The following AXDND1 variants were observed in gnomAD, a reference collection of about 807,000 sequenced individuals.
The protein encoded by AXDND1 is axonemal dynein light chain domain-containing protein 1.
In AXDND1, 110 loss-of-function variants were observed where a neutral mutation model predicts 137.5. The ratio of observed to expected loss-of-function variants is 0.80; its 90% CI spans 0.69 to 0.94. The LOEUF (loss-of-function observed/expected upper bound fraction) is 0.94, where lower values mean the gene tolerates loss of function less well. AXDND1 is among the 40% of genes least tolerant of loss of function. The probability of loss-of-function intolerance (pLI) is 0.00; values close to 1 mark genes in which losing one functional copy is unlikely to be tolerated. For missense variants in AXDND1, 1,191 were observed against 1,169.8 expected, an observed-to-expected ratio of 1.02 and a Z score of -0.26; for synonymous variants, 414 against 399.7, an observed-to-expected ratio of 1.04 and a Z score of -0.43.
chr1:179,465,467 G>A (rs1662993756), intron 16 of AXDND1, among the ~76,000 whole-genome samples: 1 of 152,220 alleles, frequency 6.6e-6, no homozygotes, highest in Non-Finnish European at 1.5e-5. Context: ...GTTTCTGCCT[G>A]ATCCTTTCTC....
chr1:179,471,832 C>T (rs1461787452), intron 17 of AXDND1, among the ~76,000 whole-genome samples: 17 of 151,696 alleles, frequency 1.1e-4, no homozygotes. Context: ...TTTCTTAACA[C>T]AGGTTTTACA....
At chr1:179,463,654 A>C (rs10913779) in intron 16 of AXDND1, among the ~76,000 whole-genome samples, 2 of 151,938 alleles carry the variant, frequency 1.3e-5, no homozygotes, top group Non-Finnish European at 2.9e-5. Flanking sequence ...GCAGAGCTGA[A>C]TTCAATTCCT....
rs71111980 is a variant in AXDND1, at chr1:179,386,050, C to CTTT, written c.863+710_863+712dup. On this transcript the variant is annotated intron_variant, in intron 9 of 25. Transcript: ENST00000367618. ...CTGGAGCTGATTTTAGGATTTTTTC[C>CTTT]TTTTTTTTTTTTTTTTTTTTTGAGA... Among the ~76,000 whole-genome samples, 78 of 102,410 alleles carry CTTT rather than the reference C, an allele frequency of 7.6e-4. 1 individual carries two copies. Among genetic ancestry groups the CTTT allele is most frequent in the East Asian group, 1.7e-3 (6 of 3,458 alleles). 67.2% of individuals were successfully genotyped at this position (102,410 alleles called of 152,430 possible). A position where few individuals can be genotyped will look rare whatever the true frequency, so the allele number is the denominator to read the frequency against.
intron 18 of AXDND1, among the ~76,000 whole-genome samples, chr1:179,487,494 ATTG>A (rs1666209580): frequency 9.7e-6 from 1 of 103,538 alleles, no homozygotes; most frequent in African/African-American, 3.3e-5. Flanking sequence ...CAAAAAACTG[ATTG>A]AAAAGCTTCA....
intron 18 of AXDND1, among the ~76,000 whole-genome samples, chr1:179,489,831 C>T (rs1436755442): frequency 6.6e-6 from 1 of 150,980 alleles, no homozygotes; most frequent in African/African-American, 2.4e-5. Flanking sequence ...CTGCAAGCTC[C>T]GCCTCCCGGG....
At chr1:179,475,509 T>C (rs1664502405) in intron 17 of AXDND1, among the ~76,000 whole-genome samples, 1 of 151,968 alleles carries the variant, frequency 6.6e-6, no homozygotes, top group African/African-American at 2.4e-5. Flanking sequence ...ACTGGCCTAC[T>C]GGATTTCAGA....
chr1:179,389,311 T>C (rs552734178), intron 9 of AXDND1, among the ~76,000 whole-genome samples: 1 of 152,226 alleles, frequency 6.6e-6, no homozygotes, highest in African/African-American at 2.4e-5. Context: ...AAACATTTCA[T>C]GCGTAGTCTT....
At chr1:179,524,599 T>C (rs1670367944) in intron 21 of AXDND1, among the ~76,000 whole-genome samples, 1 of 152,216 alleles carries the variant, frequency 6.6e-6, no homozygotes, top group Non-Finnish European at 1.5e-5. Flanking sequence ...TGGTCTAAAC[T>C]GTAAACTAAG....
rs541647803 is a variant in AXDND1 at position 179,373,905 on chromosome 1, G to A, written c.374+3827G>A. On this transcript the variant is annotated intron_variant, in intron 4 of 25. Coordinates refer to ENST00000367618, the MANE Select transcript of AXDND1 (RefSeq NM_144696.6). ...GAAAACCAAGGCAATACCATTCAGG[G>A]CATAGGCATGGGCAAGGACTTCATG... Among the ~76,000 whole-genome samples the A allele has an allele frequency of 1.3e-4, 20 of 152,196 alleles. No individual in the cohort carries two copies. In the East Asian group the frequency reaches 3.9e-3, roughly 29 times the overall value.
intron 9 of AXDND1, among the ~76,000 whole-genome samples, chr1:179,388,988 T>TTTC (rs1649677814): frequency 4.3e-5 from 1 of 23,270 alleles, no homozygotes; most frequent in Non-Finnish European, 7.7e-5. Flanking sequence ...TTTTTTTTTT[T>TTTC]TTTTTGAGAT....
intron 16 of AXDND1, among the ~76,000 whole-genome samples, chr1:179,459,466 G>A (rs955811949): frequency 6.6e-6 from 1 of 152,082 alleles, no homozygotes; most frequent in African/African-American, 2.4e-5. Flanking sequence ...GTGATTACTT[G>A]TTTAAGGCTT....
intron 16 of AXDND1, chr1:179,447,516 G>A (rs183992038): frequency 1.0e-4 from 59 of 576,626 alleles, no homozygotes; most frequent in African/African-American, 8.4e-4. Context: ...TACAGTTGGC[G>A]CAGAAAATTC....
intron 16 of AXDND1, among the ~76,000 whole-genome samples, chr1:179,464,188 T>G (rs187821709): frequency 9.4e-4 from 143 of 152,366 alleles, no homozygotes; most frequent in African/African-American, 3.4e-3. Context: ...GCTCGTTAGT[T>G]GATGCAGTTT....
chr1:179,464,386 C>G (rs1477944370), intron 16 of AXDND1, among the ~76,000 whole-genome samples: 1 of 152,160 alleles, frequency 6.6e-6, no homozygotes. Context: ...CTTAGTTTTA[C>G]TGGATATGAA....
intron 12 of AXDND1, among the ~76,000 whole-genome samples, chr1:179,420,964 T>A (rs1483772818): frequency 1.3e-5 from 2 of 152,208 alleles, no homozygotes; most frequent in African/African-American, 4.8e-5. Context: ...TGTAAGTCTC[T>A]AATGCTTCTT....
intron 9 of AXDND1, among the ~76,000 whole-genome samples, chr1:179,388,820 T>C (rs1649636874): frequency 6.6e-6 from 1 of 150,720 alleles, no homozygotes. Context: ...AGTCTTGAAC[T>C]CCTGGCCTCA....
chr1:179,427,944 C>A (rs1305301905), intron 12 of AXDND1, among the ~76,000 whole-genome samples: 2 of 110,468 alleles, frequency 1.8e-5, no homozygotes, highest in African/African-American at 3.4e-5. Flanking sequence ...AATGTAAGAG[C>A]AATCCATGTA....
intron 25 of AXDND1, among the ~76,000 whole-genome samples, chr1:179,536,267 T>G (rs1671550071): frequency 6.6e-6 from 1 of 152,360 alleles, no homozygotes; most frequent in African/African-American, 2.4e-5. Flanking sequence ...TTTGGTGTTT[T>G]AGTCATGAAG....
intron 21 of AXDND1, among the ~76,000 whole-genome samples, chr1:179,523,448 A>G (rs1182411220): frequency 6.6e-6 from 1 of 152,184 alleles, no homozygotes; most frequent in Non-Finnish European, 1.5e-5. Flanking sequence ...GTATATTCAC[A>G]AAGTTGTACA....
Sources: gnomAD v4.1 joint callset for allele counts (sites outside exome capture counted in the v4.1 genomes callset) on GRCh38, gnomAD v4.1.1 for gene constraint, MANE v1.5 for transcripts, NCBI Gene and HGNC (gene_info 2026-07-23, HGNC 2026-07-21) for gene names.